IGF2BP2: variants seen among roughly 807,000 people sequenced by gnomAD.
The protein encoded by IGF2BP2 is insulin-like growth factor 2 mRNA-binding protein 2.
A neutral mutation model predicts 75.8 loss-of-function variants in IGF2BP2; 17 were observed. The ratio of observed to expected loss-of-function variants is 0.22; its 90% CI spans 0.15 to 0.34. The LOEUF is 0.34. Ranked by LOEUF, IGF2BP2 falls within the 10% of genes least tolerant of loss-of-function variation. The probability of loss-of-function intolerance (pLI) is 1.00; values close to 1 mark genes in which losing one functional copy is unlikely to be tolerated. For synonymous variants in IGF2BP2, 288 were observed against 295.6 expected, an observed-to-expected ratio of 0.97 and a Z score of 0.26; for missense variants, 516 against 772.4, an observed-to-expected ratio of 0.67 and a Z score of 3.93.
intron 1 of IGF2BP2, 53 bp downstream of exon 1, chr3:185,824,730 G>A (rs1202614982): frequency 4.1e-6 from 5 of 1,227,360 alleles, no homozygotes; most frequent in East Asian, 6.6e-5. Flanking sequence ...TCCCGGCGCC[G>A]TCCCGGCCTG....
intron 2 of IGF2BP2, among the ~76,000 whole-genome samples, chr3:185,813,356 T>A (rs142195419): frequency 2.0e-5 from 3 of 152,212 alleles, no homozygotes; most frequent in Non-Finnish European, 4.4e-5. Context: ...AGCTTAAAAT[T>A]TGGTTTCTCA....
At chr3:185,761,262 T>G (rs1271539373) in intron 2 of IGF2BP2, among the ~76,000 whole-genome samples, 2 of 151,856 alleles carry the variant, frequency 1.3e-5, no homozygotes, top group Admixed American at 6.6e-5. Flanking sequence ...AAAAAAGAGG[T>G]GTATGTGTGG....
intron 2 of IGF2BP2, among the ~76,000 whole-genome samples, chr3:185,765,929 G>A (rs1156340961): frequency 6.6e-6 from 1 of 152,226 alleles, no homozygotes; most frequent in Admixed American, 6.5e-5. Context: ...AGGGAATGAG[G>A]CAGGTTTACG....
chr3:185,724,682 T>TA (rs1727063436), intron 2 of IGF2BP2: 1 of 152,256 alleles, frequency 6.6e-6, no homozygotes, highest in African/African-American at 2.4e-5. Context: ...TCTAGTGTTC[T>TA]AATTAAAAGG....
At chr3:185,646,757 G>A (rs1713631048) in intron 15 of IGF2BP2, 1 of 464,796 alleles carries the variant, frequency 2.2e-6, no homozygotes, top group Non-Finnish European at 4.0e-6. Context: ...AGGGGGCTTG[G>A]AACCACATGG....
intron 2 of IGF2BP2, among the ~76,000 whole-genome samples, chr3:185,747,887 G>A (rs1266050625): frequency 6.8e-6 from 1 of 146,326 alleles, no homozygotes. Context: ...ACGGAGTCTC[G>A]CTCTGTTGCC....
rs1374601811 is a variant in IGF2BP2, at chr3:185,645,301, G to A, written c.*230C>T. 1.4e-5 allele frequency: 8 copies of A among 553,656 alleles called. No homozygotes were observed. Among genetic ancestry groups the A allele is most frequent in the South Asian group, 4.9e-5 (2 of 40,524 alleles). 34.3% of individuals were successfully genotyped at this position (553,656 alleles called of 1,614,324 possible). ...CTGAAGCCTGCAGAAGCCCTGGGGG[G>A]CGGGAGGCGGGGCTCGGTGGTTCTG... is the stretch of plus-strand genomic sequence containing the variant. On this transcript the variant is annotated 3_prime_UTR_variant, in exon 16 of 16. Transcript: ENST00000382199. This position sits in a 1 kb window ranked among gnomAD's most constrained non-coding sequence, Gnocchi z 4.9.
rs988703820 is a variant in IGF2BP2, at chr3:185,657,331, C to A, written c.1341G>T (p.Gly447=). The change falls in exon 12 of 16, where the codon GGG becomes GGT. Residue 447 remains glycine, a synonymous_variant. Transcript: ENST00000382199. The stretch of plus-strand genomic sequence containing the variant: ...ATCTCGCCAGCTGTTTGATGTGTGC[C>A]CCCTTCTTCCCGATGATGGCGCCCA... ...QAVGAIIGKK[G]AHIKQLARFA... is the part of the protein sequence containing the mutation. 2 of 1,613,820 alleles carry A rather than the reference C, an allele frequency of 1.2e-6. No individual in the cohort carries two copies.
Position 185,666,017 on chromosome 3 carries a change from GATA to G in IGF2BP2, c.1200+6521_1200+6523del, listed in dbSNP as rs1717547605. On this transcript the variant is annotated intron_variant, in intron 10 of 15. Coordinates refer to ENST00000382199, the MANE Select transcript of IGF2BP2 (RefSeq NM_006548.6). Reference sequence around the variant, plus strand: ...AGATAGGTACATAGATAGATAGATAGATAGATAGATAGATAGATAGATAGATAG... The same window carrying G: ...AGATAGGTACATAGATAGATAGATAGGATAGATAGATAGATAGATAGATAG... 2.0e-5 allele frequency among the ~76,000 whole-genome samples: 3 copies of G among 148,904 alleles called. No homozygotes were observed. The South Asian group carries it at 6.5e-4, about 32-fold the overall frequency.
intron 7 of IGF2BP2, among the ~76,000 whole-genome samples, chr3:185,684,844 GAA>G (rs766791127): frequency 2.1e-5 from 3 of 141,914 alleles, no homozygotes; most frequent in Admixed American, 7.1e-5. Flanking sequence ...TGTGGGGAAG[GAA>G]AAAAAAAAAA....
intron 2 of IGF2BP2, among the ~76,000 whole-genome samples, chr3:185,721,057 C>T (rs1475457702): frequency 6.6e-6 from 1 of 152,142 alleles, no homozygotes; most frequent in Non-Finnish European, 1.5e-5. Flanking sequence ...ATAAATGCCA[C>T]CTCCTGTGTA....
At chr3:185,665,440 A>AAGGAGGAGGAGGAGG (rs1157799705) in intron 10 of IGF2BP2, among the ~76,000 whole-genome samples, 1 of 55,484 alleles carries the variant, frequency 1.8e-5, no homozygotes, top group Non-Finnish European at 3.8e-5. Context: ...GGAGGAGGAG[A>AAGGAGGAGGAGGAGG]AGGAGGAGGA....
At chr3:185,674,087 G>T (rs1198347572) in intron 9 of IGF2BP2, among the ~76,000 whole-genome samples, 1 of 152,228 alleles carries the variant, frequency 6.6e-6, no homozygotes, top group Non-Finnish European at 1.5e-5. Flanking sequence ...GTCGGGGTGA[G>T]ATGGGGACAG....
intron 2 of IGF2BP2, among the ~76,000 whole-genome samples, chr3:185,734,659 C>A (rs1415235789): frequency 1.3e-5 from 2 of 152,148 alleles, no homozygotes; most frequent in Non-Finnish European, 2.9e-5. Flanking sequence ...TTTAAGGCAG[C>A]AGTAACGTGG....
At chr3:185,646,997 G>A (rs372961321) in intron 15 of IGF2BP2, 28 bp downstream of exon 15, 9 of 1,515,734 alleles carry the variant, frequency 5.9e-6, no homozygotes, top group Non-Finnish European at 8.3e-6. Context: ...AGACTTGCAG[G>A]AGAGACAGGG....
intron 2 of IGF2BP2, among the ~76,000 whole-genome samples, chr3:185,803,338 A>G (rs7615045): frequency 0.45 from 68,281 of 152,160 alleles, 18,365 homozygotes; most frequent in African/African-American, 0.77. Flanking sequence ...ACAGCAGAGC[A>G]AGACTCCATC....
At chr3:185,791,573 T>TA (rs1736646875) in intron 2 of IGF2BP2, among the ~76,000 whole-genome samples, 1 of 152,188 alleles carries the variant, frequency 6.6e-6, no homozygotes. Context: ...GACACCCAGA[T>TA]AAAGATAAGA....
At chr3:185,690,846 C>T (rs566950911) in intron 5 of IGF2BP2, among the ~76,000 whole-genome samples, 81 of 152,296 alleles carry the variant, frequency 5.3e-4, no homozygotes, top group African/African-American at 1.7e-3. Context: ...TAAAATGACA[C>T]ACGAAATACA....
intron 2 of IGF2BP2, among the ~76,000 whole-genome samples, chr3:185,790,540 C>A (rs1175912915): frequency 4.6e-5 from 7 of 152,178 alleles, no homozygotes; most frequent in Non-Finnish European, 8.8e-5. Context: ...TTTCTTCCAA[C>A]CCCAGCCACC....
Sources: gnomAD v4.1 joint callset for allele counts (sites outside exome capture counted in the v4.1 genomes callset) on GRCh38, gnomAD v4.1.1 for gene constraint, Gnocchi (gnomAD v3.1) non-coding constraint, MANE v1.5 for transcripts, NCBI Gene and HGNC (gene_info 2026-07-23, HGNC 2026-07-21) for gene names.